MAP4K4: variants seen among roughly 807,000 people sequenced by gnomAD.
The protein encoded by MAP4K4 is mitogen-activated protein kinase kinase kinase kinase 4, also known as HPK/GCK-like kinase HGK.
MAP4K4 carries 38 observed loss-of-function variants against 189.6 expected under a neutral mutation model. That is an observed-to-expected ratio of 0.20 (90% CI 0.15 to 0.26). The LOEUF (loss-of-function observed/expected upper bound fraction) is 0.26, where lower values mean the gene tolerates loss of function less well. Ranked by LOEUF, MAP4K4 falls within the 10% of genes least tolerant of loss-of-function variation. The pLI, the probability that MAP4K4 is intolerant of heterozygous loss-of-function variation, is 1.00. For synonymous variants in MAP4K4, 610 were observed against 624.3 expected, an observed-to-expected ratio of 0.98 and a Z score of 0.34; for missense variants, 1,054 against 1,726.9, an observed-to-expected ratio of 0.61 and a Z score of 6.91.
At chr2:101,845,759 G>A (rs754809807) in intron 12 of MAP4K4, among the ~76,000 whole-genome samples, 49 of 151,892 alleles carry the variant, frequency 3.2e-4, no homozygotes, top group Admixed American at 1.2e-3. Context: ...TTTTTGACTG[G>A]CTTCTGCTGC....
chr2:101,828,767 C>T (rs1303515994), intron 5 of MAP4K4, among the ~76,000 whole-genome samples: 3 of 152,294 alleles, frequency 2.0e-5, no homozygotes, highest in African/African-American at 7.2e-5. Context: ...TAGCTAAGGA[C>T]AGAATAAGTA....
chr2:101,710,329 T>C (rs986403535), intron 2 of MAP4K4, among the ~76,000 whole-genome samples: 7 of 152,224 alleles, frequency 4.6e-5, no homozygotes, highest in African/African-American at 1.7e-4. Context: ...CATTTTCTCA[T>C]TTATTCTTGT....
intron 13 of MAP4K4, among the ~76,000 whole-genome samples, chr2:101,857,368 A>G (rs1411981863): frequency 6.6e-6 from 1 of 152,102 alleles, no homozygotes; most frequent in Non-Finnish European, 1.5e-5. Context: ...GTTTGTGTAG[A>G]TGCGTGTTGT....
chr2:101,760,293 G>A (rs34562738), intron 2 of MAP4K4, among the ~76,000 whole-genome samples: 126,707 of 151,834 alleles, frequency 0.83, 53,256 homozygotes, highest in African/African-American at 0.94. Context: ...GATTGAGACC[G>A]TCTTGGCCAA....
chr2:101,747,232 C>T, intron 2 of MAP4K4, among the ~76,000 whole-genome samples: 1 of 152,172 alleles, frequency 6.6e-6, no homozygotes, highest in East Asian at 1.9e-4. Context: ...GATCCTCCTG[C>T]CTCAGCCTCT....
At chr2:101,714,906 C>T (rs1454606989) in intron 2 of MAP4K4, among the ~76,000 whole-genome samples, 3 of 152,140 alleles carry the variant, frequency 2.0e-5, no homozygotes, top group Non-Finnish European at 4.4e-5. Context: ...AAATTCTTGC[C>T]ACCCAACTTT....
intron 23 of MAP4K4, among the ~76,000 whole-genome samples, chr2:101,870,823 G>A (rs961436364): frequency 6.6e-5 from 10 of 152,192 alleles, no homozygotes; most frequent in African/African-American, 2.2e-4. Context: ...CACAGTGGGA[G>A]CGGGTGAGGC....
chr2:101,728,894 G>C (rs1215227652), intron 2 of MAP4K4, among the ~76,000 whole-genome samples: 1 of 152,172 alleles, frequency 6.6e-6, no homozygotes, highest in Non-Finnish European at 1.5e-5. Flanking sequence ...TAGTATGTGA[G>C]AGAAACTGAT....
At chr2:101,832,796 G>A (rs1374370819) in intron 7 of MAP4K4, among the ~76,000 whole-genome samples, 2 of 59,054 alleles carry the variant, frequency 3.4e-5, no homozygotes, top group Middle Eastern at 0.012. Flanking sequence ...ACCCCCACCC[G>A]ATGTTTTTGT....
At chr2:101,804,486 T>A (rs35523846) in intron 3 of MAP4K4, among the ~76,000 whole-genome samples, 42,747 of 152,040 alleles carry the variant, frequency 0.28, 6,775 homozygotes, top group South Asian at 0.49. Flanking sequence ...GCCACTGTCT[T>A]TGTCAGTTAT....
chr2:101,826,345 A>AG (rs1248788939), intron 5 of MAP4K4, among the ~76,000 whole-genome samples: 4 of 152,142 alleles, frequency 2.6e-5, no homozygotes, highest in Admixed American at 2.0e-4. Context: ...CTTCCTAGAG[A>AG]AATGTTTAAT....
chr2:101,843,498 C>T (rs983078755), intron 11 of MAP4K4, among the ~76,000 whole-genome samples: 13 of 151,970 alleles, frequency 8.6e-5, no homozygotes, highest in African/African-American at 2.2e-4. Flanking sequence ...CACTGTATGA[C>T]GAAAAAGGCA....
intron 1 of MAP4K4, among the ~76,000 whole-genome samples, 152 bp from the exon 2 acceptor site, chr2:101,698,321 C>G (rs1200211841): frequency 6.6e-6 from 1 of 151,074 alleles, no homozygotes; most frequent in Non-Finnish European, 1.5e-5. Context: ...CCCCACGCCC[C>G]GAGCCCGCCG....
At chr2:101,712,677 G>C (rs1294535959) in intron 2 of MAP4K4, among the ~76,000 whole-genome samples, 1 of 151,412 alleles carries the variant, frequency 6.6e-6, no homozygotes, top group Non-Finnish European at 1.5e-5. Flanking sequence ...TTTATTTTTA[G>C]TAGAGATGGA....
Position 101,771,405 on chromosome 2 carries a change from T to C in MAP4K4, c.124-19315T>C, listed in dbSNP as rs1210611298. ...AGTGGAACGGTGCCATTTTAGTTAG[T>C]TGCATTCCCCTTTTCTGTGCTTATG... On this transcript the variant is annotated intron_variant, in intron 2 of 32. Coordinates refer to ENST00000324219, the Ensembl canonical transcript of MAP4K4. Among the ~76,000 whole-genome samples, 11 of 152,162 alleles carry C rather than the reference T, an allele frequency of 7.2e-5. No homozygotes were observed. In the East Asian group the frequency reaches 1.9e-3, roughly 27 times the overall value.
chr2:101,706,432 C>T (rs547043694), intron 2 of MAP4K4, among the ~76,000 whole-genome samples: 5 of 152,258 alleles, frequency 3.3e-5, no homozygotes, highest in Admixed American at 6.5e-5. Context: ...CAGTCTCATA[C>T]GATTACATTT....
intron 9 of MAP4K4, among the ~76,000 whole-genome samples, chr2:101,837,650 A>G (rs1458779709): frequency 1.3e-5 from 2 of 152,148 alleles, no homozygotes; most frequent in African/African-American, 4.8e-5. Context: ...GAGCTGGAGT[A>G]ACTCTACCCA....
intron 2 of MAP4K4, among the ~76,000 whole-genome samples, chr2:101,788,098 C>T (rs1374165214): frequency 2.0e-5 from 3 of 151,136 alleles, no homozygotes; most frequent in Non-Finnish European, 4.4e-5. Context: ...GCCACTTCAC[C>T]TGGCCTTTTT....
chr2:101,802,068 A>G (rs2094424485), intron 3 of MAP4K4, among the ~76,000 whole-genome samples: 1 of 152,198 alleles, frequency 6.6e-6, no homozygotes, highest in Non-Finnish European at 1.5e-5. Context: ...ATTGACTTCA[A>G]GTTAGTAACT....
Sources: gnomAD v4.1 joint callset for allele counts (sites outside exome capture counted in the v4.1 genomes callset) on GRCh38, gnomAD v4.1.1 for gene constraint, MANE v1.5 for transcripts, NCBI Gene and HGNC (gene_info 2026-07-23, HGNC 2026-07-21) for gene names.